The following RIF1 variants were observed in gnomAD, a reference collection of about 807,000 sequenced individuals.
The protein encoded by RIF1 is replication timing regulatory factor 1.
In RIF1, 45 loss-of-function variants were observed where a neutral mutation model predicts 247.1. The ratio of observed to expected loss-of-function variants is 0.18; its 90% CI spans 0.14 to 0.23. The LOEUF (loss-of-function observed/expected upper bound fraction) is 0.23. RIF1 is among the 10% of genes least tolerant of loss of function. RIF1 has a pLI of 1.00. For missense variants in RIF1, 2,967 were observed against 2,862.5 expected (o/e 1.04, Z -0.83); for synonymous variants, 1,087 against 978.8 (o/e 1.11, Z -2.06).
At chr2:151,417,438 G>A (rs1028981900) in intron 6 of RIF1, among the ~76,000 whole-genome samples, 6 of 152,110 alleles carry the variant, frequency 3.9e-5, no homozygotes, top group African/African-American at 1.4e-4. Flanking sequence ...CTAAGATTAT[G>A]TCATGGTTCT....
downstream of RIF1, chr2:151,485,857 A>G: frequency 4.3e-6 from 7 of 1,614,056 alleles, no homozygotes; most frequent in Non-Finnish European, 5.9e-6. Context: ...TTGAACATTT[A>G]TGATGGCATC....
chr2:151,525,256 C>T, the RIF1 span: 1 of 1,612,608 alleles, frequency 6.2e-7, no homozygotes, highest in Non-Finnish European at 8.5e-7. Flanking sequence ...CCTTGACAAA[C>T]TTCTTTTTGT....
intron 11 of RIF1, chr2:151,502,930 C>CAGAGA (rs1298451847): frequency 3.3e-6 from 4 of 1,213,174 alleles, no homozygotes; most frequent in Non-Finnish European, 4.8e-6. Flanking sequence ...AAAACAGGCA[C>CAGAGA]AGAGAGTAAG....
chr2:151,449,814 C>T (rs1183832021), intron 20 of RIF1, among the ~76,000 whole-genome samples: 1 of 149,992 alleles, frequency 6.7e-6, no homozygotes, highest in Non-Finnish European at 1.5e-5. Flanking sequence ...TGATTACTGC[C>T]ATCAGTGATC....
chr2:151,530,941 T>A, the RIF1 span: 1 of 1,204,046 alleles, frequency 8.3e-7, no homozygotes. Flanking sequence ...TTGTTACATC[T>A]CATTAGAAGG....
chr2:151,498,175 G>C (rs1241346206), intron 10 of RIF1: 1 of 1,544,290 alleles, frequency 6.5e-7, no homozygotes. Context: ...GAAGGGAAAT[G>C]GGCTTCAAAC....
the RIF1 span, chr2:151,533,619 A>G: frequency 1.9e-5 from 18 of 939,232 alleles, no homozygotes; most frequent in Admixed American, 4.0e-5. Context: ...CTATATCCCA[A>G]TCACCTCTGA....
chr2:151,423,245 G>A, intron 8 of RIF1: 1 of 489,706 alleles, frequency 2.0e-6, no homozygotes. Context: ...ACCCAAAGTG[G>A]CAAAGAATTG....
At chr2:151,496,470 C>T (rs1352474190) in intron 10 of RIF1, 26 of 1,470,304 alleles carry the variant, frequency 1.8e-5, no homozygotes, top group Non-Finnish European at 2.3e-5. Context: ...AAAACACAGT[C>T]GTCCAAGGAG....
At chr2:151,486,347 AT>A (rs1418236954), downstream of RIF1, 1 of 163,516 alleles carries the variant, frequency 6.1e-6, no homozygotes, top group Non-Finnish European at 1.3e-5. Flanking sequence ...AAGACAGACA[AT>A]AACAGACATT....
At chr2:151,431,271 A>G (rs544964480) in intron 9 of RIF1, among the ~76,000 whole-genome samples, 1 of 152,204 alleles carries the variant, frequency 6.6e-6, no homozygotes, top group Non-Finnish European at 1.5e-5. Context: ...AGACTTCTTC[A>G]CAGCTTACTC....
chr2:151,516,670 T>C, the RIF1 span: 2 of 746,262 alleles, frequency 2.7e-6, no homozygotes, highest in Non-Finnish European at 4.7e-6. Context: ...GGATGGCATC[T>C]CATTGCCACT....
rs531767844 is a variant in RIF1, at chr2:151,450,015, A to G, written c.2245-1591A>G. ...TGCCACCACGCCTGGCTAATTTTGT[A>G]TTTTTAGTAGAGACGGGGTTTCTCC... On this transcript the variant is annotated intron_variant, in intron 20 of 35. Coordinates refer to ENST00000444746, the MANE Select transcript of RIF1 (RefSeq NM_018151.5). 4.0e-5 allele frequency among the ~76,000 whole-genome samples: 6 copies of G among 151,738 alleles called. No individual in the cohort carries two copies. In the South Asian group the frequency reaches 1.2e-3, roughly 32 times the overall value.
Position 151,478,977 on chromosome 2 carries a change from G to C in RIF1, c.*3906G>C, listed in dbSNP as rs1158740601. 6 of 152,164 alleles carry C rather than the reference G, an allele frequency of 3.9e-5. No homozygotes were observed. The highest frequency in any genetic ancestry group is 8.8e-5 in the Non-Finnish European group (6 of 68,030). The allele number at this position is 152,164 out of a possible 1,614,324, so 9.4% of individuals were successfully genotyped here. The stretch of plus-strand genomic sequence containing the variant: ...CCTTGTACTTTGTATAGAAACATTA[G>C]AGTGAGGTTTTGATTTTTAACATAG... On this transcript the variant is annotated 3_prime_UTR_variant, in exon 36 of 36. Coordinates refer to ENST00000444746, the MANE Select transcript of RIF1 (RefSeq NM_018151.5).
chr2:151,527,162 C>A, the RIF1 span: 1 of 644,500 alleles, frequency 1.6e-6, no homozygotes, highest in South Asian at 2.0e-5. Context: ...CTTCTTGGTC[C>A]CTCACTGCAT....
intron 8 of RIF1, among the ~76,000 whole-genome samples, chr2:151,427,540 T>G (rs1268748129): frequency 6.6e-5 from 10 of 151,856 alleles, no homozygotes; most frequent in Non-Finnish European, 1.5e-4. Context: ...TTTTTTTGTT[T>G]TTTTTTCTCC....
Position 151,480,132 on chromosome 2 carries a change from G to C in RIF1, c.*5061G>C, listed in dbSNP as rs992600852. Reference sequence around the variant, plus strand: ...CTCCAAAGAACAGTTAAAACCAAATGTGTTATGGTAAGCTGTAAATACCGT... The same window carrying C: ...CTCCAAAGAACAGTTAAAACCAAATCTGTTATGGTAAGCTGTAAATACCGT... On this transcript the variant is annotated 3_prime_UTR_variant, in exon 36 of 36. Coordinates refer to ENST00000444746, the MANE Select transcript of RIF1 (RefSeq NM_018151.5). 3.9e-5 allele frequency: 6 copies of C among 152,062 alleles called. No homozygotes were observed. The highest frequency in any genetic ancestry group is 1.4e-4 in the African/African-American group (6 of 41,404). 9.4% of individuals were successfully genotyped at this position (152,062 alleles called of 1,614,324 possible). A position where few individuals can be genotyped will look rare whatever the true frequency, so the allele number is the denominator to read the frequency against.
At chr2:151,491,650 G>A in intron 9 of RIF1, 1 of 1,474,214 alleles carries the variant, frequency 6.8e-7, no homozygotes, top group Non-Finnish European at 9.3e-7. Flanking sequence ...AAATGGTGAT[G>A]TTTATGTTGT....
At chr2:151,447,565 A>G (rs753647952) in intron 20 of RIF1, among the ~76,000 whole-genome samples, 5 of 152,092 alleles carry the variant, frequency 3.3e-5, no homozygotes, top group Non-Finnish European at 5.9e-5. Context: ...TTATTTTTTG[A>G]GACAGAGTCT....
Sources: allele counts gnomAD v4.1 joint callset (sites outside exome capture counted in the v4.1 genomes callset), GRCh38; gene constraint gnomAD v4.1.1; transcripts MANE v1.5; gene names NCBI Gene and HGNC (gene_info 2026-07-23, HGNC 2026-07-21).